PPP3CA: variants seen among roughly 807,000 people sequenced by gnomAD.
PPP3CA encodes protein phosphatase 3 catalytic subunit alpha.
PPP3CA carries 14 observed loss-of-function variants against 66.5 expected under a neutral mutation model. That is an observed-to-expected ratio of 0.21 (90% CI 0.14 to 0.33). The LOEUF is 0.33. Among genes scored for constraint, PPP3CA ranks in the 10% least tolerant of loss-of-function variants. The probability of loss-of-function intolerance (pLI) is 1.00; values close to 1 mark genes in which losing one functional copy is unlikely to be tolerated. For missense variants in PPP3CA, 317 were observed against 639.5 expected, an observed-to-expected ratio of 0.50 and a Z score of 5.44; for synonymous variants, 232 against 226.2, an observed-to-expected ratio of 1.03 and a Z score of -0.23.
Position 101,295,294 on chromosome 4 carries a change from C to T in PPP3CA, c.58+51445G>A, listed in dbSNP as rs368347909. 4.4e-3 allele frequency among the ~76,000 whole-genome samples: 541 copies of T among 122,760 alleles called. 3 individuals are homozygous for T. Among genetic ancestry groups the T allele is most frequent in the African/African-American group, 0.016 (504 of 31,448 alleles). The allele number at this position is 122,760 out of a possible 152,430, so 80.5% of individuals were successfully genotyped here. ...CCGCAGTCCGGCCTGGGTGACAGAG[C>T]GAGACTCCGTCTCAAAAAAAAAAAA... is the stretch of plus-strand genomic sequence containing the variant. On this transcript the variant is annotated intron_variant, in intron 1 of 13. Coordinates refer to ENST00000394854, the MANE Select transcript of PPP3CA (RefSeq NM_000944.5).
At chr4:101,124,681 G>GAAAGAAAGA (rs1466395038) in intron 2 of PPP3CA, among the ~76,000 whole-genome samples, 3 of 76,598 alleles carry the variant, frequency 3.9e-5, no homozygotes, top group African/African-American at 1.9e-4. Flanking sequence ...AAGAAAGAAA[G>GAAAGAAAGA]AAAGAAAGAA....
At chr4:101,219,511 T>G (rs1410179312) in intron 1 of PPP3CA, among the ~76,000 whole-genome samples, 2 of 151,930 alleles carry the variant, frequency 1.3e-5, no homozygotes, top group African/African-American at 4.8e-5. Context: ...GTACATATTC[T>G]GTTTCACCTA....
At chr4:101,178,431 A>T (rs1395476) in intron 2 of PPP3CA, among the ~76,000 whole-genome samples, 1 of 151,986 alleles carries the variant, frequency 6.6e-6, no homozygotes, top group Admixed American at 6.6e-5. Flanking sequence ...TTACCTTTAC[A>T]TCTGAAATTT....
intron 2 of PPP3CA, among the ~76,000 whole-genome samples, chr4:101,190,494 C>T (rs974504027): frequency 7.2e-5 from 11 of 152,180 alleles, no homozygotes; most frequent in African/African-American, 2.2e-4. Flanking sequence ...CCATAGATAG[C>T]GCTACATGTT....
chr4:101,025,716 T>A lies in PPP3CA; in HGVS notation c.*149A>T. On this transcript the variant is annotated 3_prime_UTR_variant, in exon 14 of 14. Coordinates refer to ENST00000394854, the MANE Select transcript of PPP3CA (RefSeq NM_000944.5). The stretch of plus-strand genomic sequence containing the variant: ...CTCTCTCCCTCTTTTTTAATGATAG[T>A]GTAAACTGAATCCAATTCCTGGCCC... The A allele has an allele frequency of 5.0e-6, 3 of 596,796 alleles. No individual in the cohort carries two copies. Among genetic ancestry groups the A allele is most frequent in the African/African-American group, 3.8e-5 (2 of 52,538 alleles). The allele number at this position is 596,796 out of a possible 1,614,324, so 37.0% of individuals were successfully genotyped here.
chr4:101,059,104 T>C (rs968999522), intron 10 of PPP3CA, among the ~76,000 whole-genome samples: 3 of 152,128 alleles, frequency 2.0e-5, no homozygotes, highest in Admixed American at 2.0e-4. Flanking sequence ...ATGTTTATGA[T>C]TTAGGTTCCA....
intron 11 of PPP3CA, among the ~76,000 whole-genome samples, chr4:101,037,584 T>G (rs961068249): frequency 6.9e-6 from 1 of 145,534 alleles, no homozygotes; most frequent in Admixed American, 6.8e-5. Context: ...TCCTAAATGG[T>G]TTTTTTTTTT....
intron 10 of PPP3CA, among the ~76,000 whole-genome samples, chr4:101,047,850 AATAAT>A (rs1727835465): frequency 6.6e-6 from 1 of 152,234 alleles, no homozygotes; most frequent in East Asian, 1.9e-4. Flanking sequence ...CTTTGGAATA[AATAAT>A]ATAATTATTA....
chr4:101,161,923 T>C (rs1723523525), intron 2 of PPP3CA, among the ~76,000 whole-genome samples: 1 of 152,136 alleles, frequency 6.6e-6, no homozygotes, highest in Admixed American at 6.5e-5. Flanking sequence ...AATTTTACCT[T>C]GATAGTCCAC....
chr4:101,269,601 T>TGTGTGTGTGTGTGTG (rs1560690312), intron 1 of PPP3CA, among the ~76,000 whole-genome samples: 1 of 146,792 alleles, frequency 6.8e-6, no homozygotes, highest in African/African-American at 2.5e-5. Context: ...TGTGTGTGTG[T>TGTGTGTGTGTGTGTG]TTTAACTGCT....
chr4:101,306,089 T>G (rs72681098), intron 1 of PPP3CA, among the ~76,000 whole-genome samples: 3 of 152,014 alleles, frequency 2.0e-5, no homozygotes, highest in Non-Finnish European at 4.4e-5. Flanking sequence ...CCACCACAAA[T>G]ACAAGAGCTA....
At chr4:101,298,121 C>T (rs1272538980) in intron 1 of PPP3CA, among the ~76,000 whole-genome samples, 1 of 151,984 alleles carries the variant, frequency 6.6e-6, no homozygotes, top group Non-Finnish European at 1.5e-5. Flanking sequence ...TAGTATTTCT[C>T]CTATATATAT....
chr4:101,025,847 A>ATTT lies in PPP3CA; in HGVS notation c.*17_*18insAAA. 8.6e-6 allele frequency: 12 copies of ATTT among 1,397,044 alleles called. No individual in the cohort carries two copies. The highest frequency in any genetic ancestry group is 9.5e-6 in the Non-Finnish European group (10 of 1,049,394). 86.5% of individuals were successfully genotyped at this position (1,397,044 alleles called of 1,614,324 possible). A position where few individuals can be genotyped will look rare whatever the true frequency, so the allele number is the denominator to read the frequency against. The stretch of plus-strand genomic sequence containing the variant: ...AAAAAAAAAAAAAAAAAAAAAAAAA[A>ATTT]AAGTGAACAGGAAGTGGTCACTGAA... On this transcript the variant is annotated 3_prime_UTR_variant, in exon 14 of 14. Coordinates refer to ENST00000394854, the MANE Select transcript of PPP3CA (RefSeq NM_000944.5).
chr4:101,342,231 C>T (rs1729840767), intron 1 of PPP3CA, among the ~76,000 whole-genome samples: 1 of 152,036 alleles, frequency 6.6e-6, no homozygotes, highest in Admixed American at 6.6e-5. Flanking sequence ...GATAAACTGT[C>T]CATTTAAAAT....
chr4:101,289,211 T>C (rs2110286922), intron 1 of PPP3CA, among the ~76,000 whole-genome samples: 1 of 152,330 alleles, frequency 6.6e-6, no homozygotes, highest in Non-Finnish European at 1.5e-5. Context: ...ATTTTGCACA[T>C]TTCCTTCATA....
At chr4:101,339,688 T>C (rs1729747527) in intron 1 of PPP3CA, among the ~76,000 whole-genome samples, 1 of 152,164 alleles carries the variant, frequency 6.6e-6, no homozygotes, top group Admixed American at 6.5e-5. Context: ...ACAATATCCA[T>C]CTCATTCAAA....
chr4:101,223,554 T>C (rs750484025), intron 1 of PPP3CA, among the ~76,000 whole-genome samples: 6 of 151,828 alleles, frequency 4.0e-5, no homozygotes, highest in South Asian at 4.1e-4. Context: ...AAGACTGTTA[T>C]AGCAATATTT....
chr4:101,247,141 A>G (rs1348066829), intron 1 of PPP3CA, among the ~76,000 whole-genome samples: 1 of 151,660 alleles, frequency 6.6e-6, no homozygotes, highest in Non-Finnish European at 1.5e-5. Context: ...CTTCCTTGTC[A>G]TCGTTTTTCT....
At chr4:101,037,289 A>C (rs1727296286) in intron 11 of PPP3CA, among the ~76,000 whole-genome samples, 1 of 152,224 alleles carries the variant, frequency 6.6e-6, no homozygotes, top group African/African-American at 2.4e-5. Context: ...CTCAATTTGA[A>C]ACAAAGCCTT....
Sources: gnomAD v4.1 joint callset for allele counts (sites outside exome capture counted in the v4.1 genomes callset) on GRCh38, gnomAD v4.1.1 for gene constraint, MANE v1.5 for transcripts, NCBI Gene and HGNC (gene_info 2026-07-23, HGNC 2026-07-21) for gene names.